PPFIBP1: variants seen among roughly 807,000 people sequenced by gnomAD.
PPFIBP1 encodes the protein liprin-beta-1.
In PPFIBP1, 112 loss-of-function variants were observed where a neutral mutation model predicts 137.8. The ratio of observed to expected loss-of-function variants is 0.81; its 90% CI spans 0.70 to 0.95. The LOEUF is 0.95. Among genes scored for constraint, PPFIBP1 ranks in the 40% least tolerant of loss-of-function variants. PPFIBP1 has a pLI of 0.00. For missense variants in PPFIBP1, 1,083 were observed against 1,196.6 expected, an observed-to-expected ratio of 0.91 and a Z score of 1.40; for synonymous variants, 378 against 417.3, an observed-to-expected ratio of 0.91 and a Z score of 1.15.
chr12:27,535,871 G>C (rs938275321), intron 1 of PPFIBP1, among the ~76,000 whole-genome samples: 1 of 152,128 alleles, frequency 6.6e-6, no homozygotes, highest in Admixed American at 6.5e-5. Flanking sequence ...CCTACCTTTG[G>C]CTTATGATGT....
intron 2 of PPFIBP1, among the ~76,000 whole-genome samples, chr12:27,617,531 C>T (rs2055891464): frequency 6.6e-6 from 1 of 152,140 alleles, no homozygotes; most frequent in Admixed American, 6.5e-5. Context: ...TCTAGGATCT[C>T]CTGAGGATCC....
chr12:27,688,307 GC>G lies in PPFIBP1; in HGVS notation c.2384del (p.Pro795HisfsTer12). On this transcript the variant is annotated frameshift_variant, in exon 26 of 30. Coordinates refer to ENST00000228425, the MANE Select transcript of PPFIBP1 (RefSeq NM_003622.4). LOFTEE classifies it high-confidence loss of function. ...TTGTGTGTTCCCATAGAATACCATC[GC>G]CCCATCAGAAGTTCAGAAGTGGACT... ...RRRPSDENTI[A>X]PSEVQKWTNH... is the part of the protein sequence containing the mutation. 1 of 1,613,588 alleles carries G rather than the reference GC, an allele frequency of 6.2e-7. No homozygotes were observed. Among genetic ancestry groups the G allele is most frequent in the Non-Finnish European group, 8.5e-7 (1 of 1,179,872 alleles).
In PPFIBP1 at chr12:27,692,676, T is replaced by G. The variant is rs945601452; in HGVS notation, c.2931+20T>G. The G allele has an allele frequency of 5.6e-6, 9 of 1,614,068 alleles. No individual in the cohort carries two copies. Among genetic ancestry groups the G allele is most frequent in the Non-Finnish European group, 7.6e-6 (9 of 1,179,914 alleles). On this transcript the variant is annotated intron_variant, in intron 29 of 29. Coordinates refer to ENST00000228425, the MANE Select transcript of PPFIBP1 (RefSeq NM_003622.4). ...CTGACGGTGAGTTTGTGAAATGAAT[T>G]GAAAATGTTATTCTATAAATGTCTT...
intron 2 of PPFIBP1, among the ~76,000 whole-genome samples, chr12:27,581,868 G>A (rs1359446502): frequency 6.6e-6 from 1 of 150,954 alleles, no homozygotes; most frequent in Admixed American, 6.6e-5. Flanking sequence ...TTTTTCTTTA[G>A]TGCTTTCTCC....
Position 27,556,362 on chromosome 12 carries a change from C to T in PPFIBP1, c.-123-21790C>T, listed in dbSNP as rs116327412. On this transcript the variant is annotated intron_variant, in intron 1 of 29. Coordinates refer to ENST00000228425, the MANE Select transcript of PPFIBP1 (RefSeq NM_003622.4). ...GGTTTCTATTCTTTGCCAGTGATAA[C>T]GTTTGTTATCATAGAGTGAAAAACC... Among the ~76,000 whole-genome samples, 970 of 152,296 alleles carry T rather than the reference C, an allele frequency of 6.4e-3. 13 individuals carry two copies. The highest frequency in any genetic ancestry group is 0.022 in the African/African-American group (929 of 41,560).
chr12:27,668,262 G>C (rs936823054), intron 13 of PPFIBP1, among the ~76,000 whole-genome samples: 1 of 152,086 alleles, frequency 6.6e-6, no homozygotes, highest in Non-Finnish European at 1.5e-5. Flanking sequence ...AGTTCCTTGC[G>C]CATAGCTTCT....
chr12:27,627,835 G>A (rs1193340226), intron 2 of PPFIBP1, among the ~76,000 whole-genome samples: 1 of 123,136 alleles, frequency 8.1e-6, no homozygotes, highest in Non-Finnish European at 1.6e-5. Context: ...CCCCGGTTTA[G>A]TCTCTTACTA....
In PPFIBP1 at chr12:27,687,383, A is replaced by C; in HGVS notation, c.2248-2A>C. 6.2e-7 allele frequency: 1 copy of C among 1,612,620 alleles called. No individual in the cohort carries two copies. The highest frequency in any genetic ancestry group is 2.2e-5 in the East Asian group (1 of 44,836). ...AGCTCCTCCTTTTGTTCTTTTTTGC[A>C]GGATGACTTACTGTCTCTGAAGGTT... On this transcript the variant is annotated splice_acceptor_variant, in intron 24 of 29. Transcript: ENST00000228425. LOFTEE classifies it high-confidence loss of function.
intron 4 of PPFIBP1, 139 bp downstream of exon 4, chr12:27,635,254 T>C: frequency 3.8e-6 from 3 of 793,916 alleles, no homozygotes; most frequent in East Asian, 5.3e-5. Flanking sequence ...GATATCTTAA[T>C]TTTCTTTTGA....
At chr12:27,665,807 A>G (rs558226161) in intron 12 of PPFIBP1, among the ~76,000 whole-genome samples, 1 of 152,348 alleles carries the variant, frequency 6.6e-6, no homozygotes, top group Non-Finnish European at 1.5e-5. Context: ...TTTGAAAAAA[A>G]AAATTTTGTA....
At chr12:27,602,932 C>G (rs1051663238) in intron 2 of PPFIBP1, among the ~76,000 whole-genome samples, 5 of 152,130 alleles carry the variant, frequency 3.3e-5, no homozygotes, top group Non-Finnish European at 4.4e-5. Context: ...ATTGAATTCT[C>G]CAATATGCTG....
chr12:27,679,683 G>A, intron 20 of PPFIBP1, 44 bp downstream of exon 20: 1 of 1,594,514 alleles, frequency 6.3e-7, no homozygotes, highest in South Asian at 1.1e-5. Context: ...TGTCTTACAT[G>A]TTGCTTAAAA....
At chr12:27,661,567 C>T (rs535637375) in intron 11 of PPFIBP1, among the ~76,000 whole-genome samples, 1 of 152,332 alleles carries the variant, frequency 6.6e-6, no homozygotes, top group East Asian at 1.9e-4. Flanking sequence ...TAATGGGTTT[C>T]TTCGTGGCTT....
At chr12:27,570,247 A>C (rs149649869) in intron 1 of PPFIBP1, among the ~76,000 whole-genome samples, 1,534 of 152,286 alleles carry the variant, frequency 0.01, 14 homozygotes, top group Middle Eastern at 0.031. Flanking sequence ...TTTACATACT[A>C]TATAGTAATC....
chr12:27,592,749 C>A, intron 2 of PPFIBP1: 1 of 922,598 alleles, frequency 1.1e-6, no homozygotes, highest in Non-Finnish European at 1.8e-6. Context: ...GGCTTATCAT[C>A]TGCCAAGAAA....
chr12:27,557,238 A>T (rs1205408915), intron 1 of PPFIBP1, among the ~76,000 whole-genome samples: 3 of 142,120 alleles, frequency 2.1e-5, no homozygotes, highest in Admixed American at 7.1e-5. Context: ...CATGGTAACA[A>T]TTTTTTTTTT....
chr12:27,548,872 C>T (rs189272747), intron 1 of PPFIBP1: 3 of 152,262 alleles, frequency 2.0e-5, no homozygotes, highest in Admixed American at 1.3e-4. Context: ...CTGGAAGCTC[C>T]GTAATGTCAA....
At chr12:27,656,312 T>C (rs767803403) in intron 8 of PPFIBP1, among the ~76,000 whole-genome samples, 8 of 152,234 alleles carry the variant, frequency 5.3e-5, no homozygotes, top group Non-Finnish European at 7.4e-5. Context: ...TATTTTTAAT[T>C]TAATGTAAAG....
At chr12:27,601,869 C>T (rs2054031844) in intron 2 of PPFIBP1, among the ~76,000 whole-genome samples, 1 of 152,242 alleles carries the variant, frequency 6.6e-6, no homozygotes, top group South Asian at 2.1e-4. Flanking sequence ...GTTCTGTAAG[C>T]TCCCAAACTG....
Sources: allele counts gnomAD v4.1 joint callset (sites outside exome capture counted in the v4.1 genomes callset), GRCh38; gene constraint gnomAD v4.1.1; transcripts MANE v1.5; gene names NCBI Gene and HGNC (gene_info 2026-07-23, HGNC 2026-07-21).